The following CDKAL1 variants were observed in gnomAD, a reference collection of about 807,000 sequenced individuals.
The protein encoded by CDKAL1 is CDKAL1 threonylcarbamoyladenosine tRNA methylthiotransferase, also known as threonylcarbamoyladenosine tRNA methylthiotransferase.
A neutral mutation model predicts 68.2 loss-of-function variants in CDKAL1; 32 were observed. The observed-to-expected ratio is 0.47, with a 90% CI of 0.35 to 0.63. The LOEUF (loss-of-function observed/expected upper bound fraction) is 0.63, where lower values mean the gene tolerates loss of function less well. CDKAL1 is among the 30% of genes least tolerant of loss of function. The pLI, the probability that CDKAL1 is intolerant of heterozygous loss-of-function variation, is 0.00. For missense variants in CDKAL1, 606 were observed against 696.7 expected (o/e 0.87, Z 1.47); for synonymous variants, 234 against 244.3 (o/e 0.96, Z 0.39).
intron 8 of CDKAL1, among the ~76,000 whole-genome samples, chr6:20,803,493 A>G (rs765875094): frequency 1.1e-4 from 16 of 152,130 alleles, no homozygotes; most frequent in Non-Finnish European, 1.3e-4. Flanking sequence ...TTATCATAAT[A>G]TATTCTCAGA....
At chr6:21,089,197 C>T (rs1023786536) in intron 12 of CDKAL1, among the ~76,000 whole-genome samples, 11 of 151,854 alleles carry the variant, frequency 7.2e-5, no homozygotes, top group Non-Finnish European at 5.9e-5. Flanking sequence ...ACAGATAGGA[C>T]GGGTGTGGTG....
At chr6:20,991,151 A>G (rs1766770098) in intron 10 of CDKAL1, among the ~76,000 whole-genome samples, 1 of 152,384 alleles carries the variant, frequency 6.6e-6, no homozygotes, top group Non-Finnish European at 1.5e-5. Context: ...TACAGCAGGG[A>G]TGAAAGCATT....
intron 9 of CDKAL1, among the ~76,000 whole-genome samples, chr6:20,938,170 T>C (rs1350417989): frequency 6.6e-6 from 1 of 152,240 alleles, no homozygotes; most frequent in Non-Finnish European, 1.5e-5. Context: ...TTATTTATTC[T>C]GTTGATCAGA....
At chr6:20,890,636 G>A (rs939163511) in intron 9 of CDKAL1, among the ~76,000 whole-genome samples, 3 of 152,110 alleles carry the variant, frequency 2.0e-5, no homozygotes, top group African/African-American at 2.4e-5. Flanking sequence ...TTTGACGTTC[G>A]TGGAGTGTTG....
chr6:20,708,809 G>T (rs547299351), intron 5 of CDKAL1, among the ~76,000 whole-genome samples: 10 of 151,834 alleles, frequency 6.6e-5, no homozygotes, highest in Non-Finnish European at 1.5e-4. Flanking sequence ...TTCTGGTCTG[G>T]TTTCTTTGTG....
At chr6:20,694,050 G>A (rs1470204280) in intron 5 of CDKAL1, among the ~76,000 whole-genome samples, 1 of 89,036 alleles carries the variant, frequency 1.1e-5, no homozygotes, top group Non-Finnish European at 2.1e-5. Flanking sequence ...CTTTGTGTGT[G>A]TGTGTGTGTG....
At position 20,895,080 on chromosome 6, in the gene CDKAL1, G is replaced by A. The variant is rs113980453; in HGVS notation, c.742+48902G>A. ...TGTTGTGTATCTTTTTTCTCTATGT[G>A]TATGTTTTGTAAGTTTATAATATTA... On this transcript the variant is annotated intron_variant, in intron 9 of 15. Transcript: ENST00000274695. Among the ~76,000 whole-genome samples the A allele has an allele frequency of 3.7e-3, 561 of 152,122 alleles. 6 individuals carry two copies. Among genetic ancestry groups the A allele is most frequent in the African/African-American group, 0.012 (494 of 41,520 alleles).
chr6:20,832,561 C>T (rs1356079783), intron 8 of CDKAL1, among the ~76,000 whole-genome samples: 1 of 151,748 alleles, frequency 6.6e-6, no homozygotes, highest in Non-Finnish European at 1.5e-5. Flanking sequence ...GAGACTGAGG[C>T]AAGAGGTTAG....
intron 5 of CDKAL1, among the ~76,000 whole-genome samples, chr6:20,726,268 C>A (rs547852987): frequency 5.9e-5 from 9 of 152,086 alleles, no homozygotes; most frequent in Admixed American, 4.6e-4. Context: ...ATCAGAAAAT[C>A]TTGGAATCCA....
At chr6:21,121,084 A>G (rs981433344) in intron 13 of CDKAL1, among the ~76,000 whole-genome samples, 2 of 152,186 alleles carry the variant, frequency 1.3e-5, no homozygotes, top group Non-Finnish European at 2.9e-5. Context: ...AATGTAAGAC[A>G]GCGCTTGTTT....
chr6:20,629,511 C>G (rs1767581214), intron 4 of CDKAL1, among the ~76,000 whole-genome samples: 1 of 152,204 alleles, frequency 6.6e-6, no homozygotes, highest in South Asian at 2.1e-4. Flanking sequence ...TTCCTGTGCT[C>G]TGCACCTTGC....
intron 10 of CDKAL1, among the ~76,000 whole-genome samples, chr6:20,980,226 G>GAT (rs1766055065): frequency 2.7e-5 from 4 of 146,948 alleles, no homozygotes; most frequent in African/African-American, 7.5e-5. Flanking sequence ...TATAGATATA[G>GAT]ATATAGATAT....
At chr6:20,762,926 T>C (rs1774533623) in intron 7 of CDKAL1, among the ~76,000 whole-genome samples, 1 of 152,220 alleles carries the variant, frequency 6.6e-6, no homozygotes, top group Non-Finnish European at 1.5e-5. Context: ...TCACTTCTTT[T>C]GTCCATGCAT....
At chr6:21,099,429 A>ATT (rs1173056835) in intron 12 of CDKAL1, among the ~76,000 whole-genome samples, 1 of 151,558 alleles carries the variant, frequency 6.6e-6, no homozygotes. Flanking sequence ...TGTGCTTTTT[A>ATT]TTTTTCTTTT....
At chr6:20,937,002 A>C (rs1446835009) in intron 9 of CDKAL1, among the ~76,000 whole-genome samples, 2 of 152,128 alleles carry the variant, frequency 1.3e-5, no homozygotes, top group Non-Finnish European at 2.9e-5. Context: ...GTTTGCTTTT[A>C]TTGTATAAAA....
At chr6:20,774,764 A>G (rs750877097) in intron 7 of CDKAL1, among the ~76,000 whole-genome samples, 4 of 152,230 alleles carry the variant, frequency 2.6e-5, no homozygotes, top group Admixed American at 6.5e-5. Context: ...TTTACAATGT[A>G]TAATAATTTT....
intron 11 of CDKAL1, among the ~76,000 whole-genome samples, chr6:21,021,869 T>C (rs1383967097): frequency 6.6e-6 from 1 of 152,218 alleles, no homozygotes; most frequent in Non-Finnish European, 1.5e-5. Context: ...GGACACCTTA[T>C]GGTCCTTGTT....
At chr6:20,688,672 T>C (rs1229336583) in intron 5 of CDKAL1, among the ~76,000 whole-genome samples, 1 of 152,238 alleles carries the variant, frequency 6.6e-6, no homozygotes, top group Admixed American at 6.5e-5. Flanking sequence ...ATTTTTTCCA[T>C]TGGCACCCAT....
intron 13 of CDKAL1, among the ~76,000 whole-genome samples, chr6:21,159,830 G>A (rs1247676423): frequency 6.6e-6 from 1 of 152,184 alleles, no homozygotes; most frequent in African/African-American, 2.4e-5. Flanking sequence ...TTCAGGCAGA[G>A]TTTGAGATTC....
Sources: gnomAD v4.1 joint callset for allele counts (sites outside exome capture counted in the v4.1 genomes callset) on GRCh38, gnomAD v4.1.1 for gene constraint, MANE v1.5 for transcripts, NCBI Gene and HGNC (gene_info 2026-07-23, HGNC 2026-07-21) for gene names.